Variants in TMEM233 observed in about 807,000 individuals in gnomAD.
TMEM233 encodes dispanin subfamily B member 2.
A neutral mutation model predicts 11.2 loss-of-function variants in TMEM233; 6 were observed. The observed-to-expected ratio is 0.54, with a 90% confidence interval of 0.29 to 1.06. The LOEUF (loss-of-function observed/expected upper bound fraction) is 1.06. Among genes scored for constraint, TMEM233 ranks in the 50% least tolerant of loss-of-function variants. The probability of loss-of-function intolerance (pLI) is 0.08; values close to 1 mark genes in which losing one functional copy is unlikely to be tolerated. For synonymous variants in TMEM233, 59 were observed against 55.8 expected (o/e 1.06, Z -0.26); for missense variants, 127 against 144.7 (o/e 0.88, Z 0.63).
rs192875739 is a variant in TMEM233, at chr12:119,640,715, G to A, written c.*10G>A. 1,906 of 1,550,862 alleles carry A rather than the reference G, an allele frequency of 1.2e-3. 14 individuals are homozygous for A. The Admixed American group carries it at 0.014, about 11-fold the overall frequency. On this transcript the variant is annotated 3_prime_UTR_variant, in exon 3 of 3. Coordinates refer to ENST00000426426, the MANE Select transcript of TMEM233 (RefSeq NM_001136534.3). ...ACCACACAGTGCCTGAGGAACCAGCGGTCAGTGGGCTGTGAGCGTGGAGGA... is the reference window on the plus strand; with the variant it reads ...ACCACACAGTGCCTGAGGAACCAGCAGTCAGTGGGCTGTGAGCGTGGAGGA...
intron 1 of TMEM233, among the ~76,000 whole-genome samples, chr12:119,605,777 C>A (rs892097865): frequency 1.3e-5 from 2 of 152,076 alleles, no homozygotes; most frequent in Non-Finnish European, 2.9e-5. Context: ...TGGAAGCTTT[C>A]TCTTTTAACA....
chr12:119,605,665 G>A (rs1335107243), intron 1 of TMEM233, among the ~76,000 whole-genome samples: 1 of 151,970 alleles, frequency 6.6e-6, no homozygotes, highest in Non-Finnish European at 1.5e-5. Context: ...CTGTGCTCAA[G>A]GGATCTACCC....
intron 2 of TMEM233, among the ~76,000 whole-genome samples, chr12:119,635,452 C>G (rs1173704990): frequency 6.6e-6 from 1 of 152,186 alleles, no homozygotes; most frequent in African/African-American, 2.4e-5. Context: ...TGCCAACAAA[C>G]AAGACTTTTT....
chr12:119,639,967 TA>T (rs1194259020), intron 2 of TMEM233, among the ~76,000 whole-genome samples: 2 of 152,210 alleles, frequency 1.3e-5, no homozygotes, highest in African/African-American at 4.8e-5. Context: ...TCACATTGTG[TA>T]AACGCATACA....
Position 119,594,163 on chromosome 12 carries a change from C to A in TMEM233, c.186+129C>A. ...CCGGCCCGCGCTAGGTGTTCTTTGT[C>A]CTCGCACCTCCTCCTCACCTTTCTC... On this transcript the variant is annotated intron_variant, in intron 1 of 2. Transcript: ENST00000426426. This position sits in a 1 kb window ranked among gnomAD's most constrained non-coding sequence, Gnocchi z 5.6. 1.2e-6 allele frequency: 1 copy of A among 854,736 alleles called. No homozygotes were observed. The highest frequency in any genetic ancestry group is 1.8e-6 in the Non-Finnish European group (1 of 558,708). 52.9% of individuals were successfully genotyped at this position (854,736 alleles called of 1,614,324 possible). A position where few individuals can be genotyped will look rare whatever the true frequency, so the allele number is the denominator to read the frequency against.
At chr12:119,607,294 A>G (rs1049901981) in intron 1 of TMEM233, among the ~76,000 whole-genome samples, 1 of 152,052 alleles carries the variant, frequency 6.6e-6, no homozygotes, top group Admixed American at 6.5e-5. Context: ...CTGAGTCTCT[A>G]TTTCCTCATC....
intron 1 of TMEM233, among the ~76,000 whole-genome samples, chr12:119,601,550 C>T (rs1351161315): frequency 6.6e-6 from 1 of 151,046 alleles, no homozygotes; most frequent in African/African-American, 2.4e-5. Flanking sequence ...CCCAGCTACT[C>T]GGGAGGCTAA....
chr12:119,630,277 C>T (rs1954851995), intron 2 of TMEM233, among the ~76,000 whole-genome samples: 1 of 152,172 alleles, frequency 6.6e-6, no homozygotes, highest in Non-Finnish European at 1.5e-5. Context: ...TGGATCAGGT[C>T]AACAATATGG....
At chr12:119,636,372 C>G (rs926356086) in intron 2 of TMEM233, among the ~76,000 whole-genome samples, 1 of 152,154 alleles carries the variant, frequency 6.6e-6, no homozygotes, top group Non-Finnish European at 1.5e-5. Flanking sequence ...TCAAATATTT[C>G]TTATTGTTAT....
At chr12:119,631,430 A>G (rs1954883031) in intron 2 of TMEM233, 4 of 828,694 alleles carry the variant, frequency 4.8e-6, no homozygotes, top group Admixed American at 6.2e-5. Flanking sequence ...GCAGCTGGGT[A>G]GAGGGGAAGA....
chr12:119,609,410 G>A (rs768509394), intron 1 of TMEM233, among the ~76,000 whole-genome samples: 4 of 152,154 alleles, frequency 2.6e-5, no homozygotes, highest in Non-Finnish European at 5.9e-5. Context: ...AATTCAAGCC[G>A]GCTACAAAAA....
chr12:119,602,109 TA>T (rs1363150172), intron 1 of TMEM233, among the ~76,000 whole-genome samples: 1 of 152,202 alleles, frequency 6.6e-6, no homozygotes, highest in Non-Finnish European at 1.5e-5. Flanking sequence ...CAGTGGTCAG[TA>T]AATACTCACA....
At chr12:119,626,989 AC>A (rs1368504457) in intron 1 of TMEM233, among the ~76,000 whole-genome samples, 3 of 152,196 alleles carry the variant, frequency 2.0e-5, no homozygotes, top group African/African-American at 7.2e-5. Flanking sequence ...GAGCCCAATA[AC>A]CCTTAAGTTG....
At chr12:119,629,673 G>C in intron 1 of TMEM233, 63 bp from the exon 2 acceptor site, 1 of 1,479,346 alleles carries the variant, frequency 6.8e-7, no homozygotes, top group Non-Finnish European at 9.0e-7. Context: ...GACAGCCTGA[G>C]GACCTCCATC....
chr12:119,605,012 T>TTC (rs1566098523), intron 1 of TMEM233, among the ~76,000 whole-genome samples: 1 of 151,472 alleles, frequency 6.6e-6, no homozygotes, highest in African/African-American at 2.4e-5. Context: ...TTTTTTTTTT[T>TTC]GCCACGGGTG....
intron 1 of TMEM233, among the ~76,000 whole-genome samples, chr12:119,602,307 A>G (rs1431071427): frequency 6.6e-6 from 1 of 152,208 alleles, no homozygotes; most frequent in African/African-American, 2.4e-5. Flanking sequence ...ACTGATCCAG[A>G]GAGCTTGACG....
intron 2 of TMEM233, among the ~76,000 whole-genome samples, chr12:119,634,716 A>C (rs545072981): frequency 7.9e-4 from 120 of 152,326 alleles, no homozygotes; most frequent in African/African-American, 2.7e-3. Flanking sequence ...ATCCTTATTA[A>C]GAAAGCTGTA....
chr12:119,626,516 A>AGGAGAAG lies in TMEM233; in HGVS notation c.187-3198_187-3192dup, dbSNP rs148623297. Among the ~76,000 whole-genome samples, 194 of 83,920 alleles carry AGGAGAAG rather than the reference A, an allele frequency of 2.3e-3. 12 individuals carry two copies. The highest frequency in any genetic ancestry group is 9.5e-3 in the African/African-American group (178 of 18,686). 55.1% of individuals were successfully genotyped at this position (83,920 alleles called of 152,430 possible). ...AAAAAGGAGGAGGAGGAGGAGGAGG[A>AGGAGAAG]GGAGAAGGGAGAAGGGAGAAGGGAG... On this transcript the variant is annotated intron_variant, in intron 1 of 2. Coordinates refer to ENST00000426426, the MANE Select transcript of TMEM233 (RefSeq NM_001136534.3).
At position 119,640,856 on chromosome 12, in the gene TMEM233, G is replaced by GAAAAAAA. The variant is rs56347532; in HGVS notation, c.*162_*168dup. 4 of 394,496 alleles carry GAAAAAAA rather than the reference G, an allele frequency of 1.0e-5. No individual in the cohort carries two copies. Among genetic ancestry groups the GAAAAAAA allele is most frequent in the Non-Finnish European group, 1.1e-5 (3 of 268,040 alleles). The allele number at this position is 394,496 out of a possible 1,614,324, so 24.4% of individuals were successfully genotyped here. A position where few individuals can be genotyped will look rare whatever the true frequency, so the allele number is the denominator to read the frequency against. On this transcript the variant is annotated 3_prime_UTR_variant, in exon 3 of 3. Coordinates refer to ENST00000426426, the MANE Select transcript of TMEM233 (RefSeq NM_001136534.3). ...AGGCAGGTCCCTGGCAAATGAACAA[G>GAAAAAAA]AAAAAAAAAAAAAAAAAGTCCAAAA...
Sources: allele counts gnomAD v4.1 joint callset (sites outside exome capture counted in the v4.1 genomes callset), GRCh38; gene constraint gnomAD v4.1.1; non-coding constraint Gnocchi (gnomAD v3.1); transcripts MANE v1.5; gene names NCBI Gene and HGNC (gene_info 2026-07-23, HGNC 2026-07-21).